HPSE2: variants seen among roughly 807,000 people sequenced by gnomAD.
HPSE2 encodes the protein heparanase 2 (inactive), also known as inactive heparanase-2.
In HPSE2, 38 loss-of-function variants were observed where a neutral mutation model predicts 60.5. That is an observed-to-expected ratio of 0.63 (90% confidence interval 0.48 to 0.82). The LOEUF (loss-of-function observed/expected upper bound fraction) is 0.82, where lower values mean the gene tolerates loss of function less well. Among genes scored for constraint, HPSE2 ranks in the 40% least tolerant of loss-of-function variants. The pLI, the probability that HPSE2 is intolerant of heterozygous loss-of-function variation, is 0.00. For missense variants in HPSE2, 713 were observed against 740.4 expected, an observed-to-expected ratio of 0.96 and a Z score of 0.43; for synonymous variants, 295 against 293.2, an observed-to-expected ratio of 1.01 and a Z score of -0.06.
intron 5 of HPSE2, among the ~76,000 whole-genome samples, chr10:98,700,095 C>T (rs1180274396): frequency 6.6e-6 from 1 of 150,920 alleles, no homozygotes; most frequent in Non-Finnish European, 1.5e-5. Flanking sequence ...TCAATGCCAT[C>T]CCCATCAAGC....
At chr10:98,550,797 T>C (rs914045477) in intron 9 of HPSE2, among the ~76,000 whole-genome samples, 6 of 151,854 alleles carry the variant, frequency 4.0e-5, no homozygotes, top group Admixed American at 2.6e-4. Context: ...TTTGTAGAGA[T>C]AGGGTCTTGC....
chr10:98,963,565 T>C (rs1385500521), intron 3 of HPSE2, among the ~76,000 whole-genome samples: 2 of 152,166 alleles, frequency 1.3e-5, no homozygotes, highest in African/African-American at 4.8e-5. Context: ...CATACACTCT[T>C]GTGCCACCTT....
chr10:99,179,464 A>G (rs2133824619), intron 2 of HPSE2, among the ~76,000 whole-genome samples: 1 of 152,324 alleles, frequency 6.6e-6, no homozygotes, highest in Non-Finnish European at 1.5e-5. Context: ...CTATACACCA[A>G]TAACAGACAA....
At chr10:98,931,354 C>T (rs1954635765) in intron 3 of HPSE2, among the ~76,000 whole-genome samples, 1 of 144,088 alleles carries the variant, frequency 6.9e-6, no homozygotes, top group Non-Finnish European at 1.5e-5. Context: ...CAGTACCATG[C>T]TATTTTGGTT....
intron 9 of HPSE2, among the ~76,000 whole-genome samples, chr10:98,551,994 CA>C (rs1564961930): frequency 6.6e-6 from 1 of 151,996 alleles, no homozygotes; most frequent in Non-Finnish European, 1.5e-5. Context: ...GCAAACTTGG[CA>C]AACACCTAAC....
intron 3 of HPSE2, among the ~76,000 whole-genome samples, chr10:98,881,798 CCAAA>C (rs1028213867): frequency 3.9e-4 from 59 of 152,154 alleles, no homozygotes; most frequent in African/African-American, 1.3e-3. Flanking sequence ...TTTCTATGTA[CCAAA>C]CATTCTCTTG....
chr10:98,546,942 T>A (rs957580450), intron 9 of HPSE2, among the ~76,000 whole-genome samples: 1 of 148,424 alleles, frequency 6.7e-6, no homozygotes, highest in Non-Finnish European at 1.5e-5. Flanking sequence ...TACAATGAAC[T>A]CAAACAAATT....
chr10:99,291,351 C>T, the HPSE2 span, among the ~76,000 whole-genome samples: 10 of 152,264 alleles, frequency 6.6e-5, no homozygotes, highest in East Asian at 1.9e-3. Flanking sequence ...TTTGGGAGGC[C>T]AAGGCGGGCA....
chr10:99,141,812 GAACTC>G (rs1845876399), intron 3 of HPSE2, among the ~76,000 whole-genome samples: 1 of 152,168 alleles, frequency 6.6e-6, no homozygotes, highest in Non-Finnish European at 1.5e-5. Flanking sequence ...TTGTGAGGTG[GAACTC>G]AACAACTATC....
chr10:99,069,834 C>T (rs752053942), intron 3 of HPSE2, among the ~76,000 whole-genome samples: 1 of 151,694 alleles, frequency 6.6e-6, no homozygotes, highest in Non-Finnish European at 1.5e-5. Flanking sequence ...AGAGTAGCAG[C>T]TTCTCATATG....
chr10:98,663,472 G>A (rs1947278940), intron 6 of HPSE2, among the ~76,000 whole-genome samples: 1 of 152,158 alleles, frequency 6.6e-6, no homozygotes. Context: ...AAACAAAGTG[G>A]TAAATAGTGA....
chr10:98,705,622 G>A (rs10159880), intron 5 of HPSE2, among the ~76,000 whole-genome samples: 18,598 of 152,072 alleles, frequency 0.12, 2,459 homozygotes, highest in African/African-American at 0.33. Flanking sequence ...GGTTGAAGCC[G>A]GAAGCCATTA....
intron 3 of HPSE2, among the ~76,000 whole-genome samples, chr10:98,924,229 C>T (rs918650468): frequency 6.6e-6 from 1 of 152,204 alleles, no homozygotes; most frequent in Non-Finnish European, 1.5e-5. Context: ...TGGAGTCTCT[C>T]TCTCTCTGTG....
intron 3 of HPSE2, among the ~76,000 whole-genome samples, chr10:99,049,628 G>GA (rs1219864819): frequency 6.6e-6 from 1 of 150,744 alleles, no homozygotes; most frequent in Non-Finnish European, 1.5e-5. Flanking sequence ...AAGTACAAGG[G>GA]AAAAAAAACA....
rs1482571874 is a variant in HPSE2 at position 98,469,736 on chromosome 10, C to T, written c.1614-9997G>A. Reference sequence around the variant, plus strand: ...GTCACATGAGATGATTTGCCACCTCCCAAACAAAATGAGCCTTGAACTTCT... The same window carrying T: ...GTCACATGAGATGATTTGCCACCTCTCAAACAAAATGAGCCTTGAACTTCT... On this transcript the variant is annotated intron_variant, in intron 11 of 11. Transcript: ENST00000370552. Among the ~76,000 whole-genome samples, 3 of 152,166 alleles carry T rather than the reference C, an allele frequency of 2.0e-5. 1 individual carries two copies. The highest frequency in any genetic ancestry group is 4.4e-5 in the Non-Finnish European group (3 of 68,040).
chr10:99,225,447 A>G (rs1456736930), intron 2 of HPSE2, among the ~76,000 whole-genome samples: 1 of 152,136 alleles, frequency 6.6e-6, no homozygotes, highest in Non-Finnish European at 1.5e-5. Context: ...ATTATAAAAT[A>G]CTAGCCTACA....
chr10:98,713,597 A>C (rs1298777860), intron 5 of HPSE2, among the ~76,000 whole-genome samples: 1 of 152,052 alleles, frequency 6.6e-6, no homozygotes, highest in Non-Finnish European at 1.5e-5. Flanking sequence ...AAAATTCTGC[A>C]TGCTAAATCC....
At chr10:99,162,967 T>A (rs1026715640) in intron 2 of HPSE2, among the ~76,000 whole-genome samples, 1 of 152,096 alleles carries the variant, frequency 6.6e-6, no homozygotes, top group Admixed American at 6.5e-5. Flanking sequence ...CCCAGCACTT[T>A]GGGAGGCCAA....
intron 3 of HPSE2, among the ~76,000 whole-genome samples, chr10:99,068,329 A>G (rs1432738556): frequency 6.6e-6 from 1 of 152,220 alleles, no homozygotes; most frequent in African/African-American, 2.4e-5. Context: ...TAATAAAGAC[A>G]TATGGTAATT....
Sources: gnomAD v4.1 joint callset for allele counts (sites outside exome capture counted in the v4.1 genomes callset) on GRCh38, gnomAD v4.1.1 for gene constraint, MANE v1.5 for transcripts, NCBI Gene and HGNC (gene_info 2026-07-23, HGNC 2026-07-21) for gene names.